DENND2A: variants seen among roughly 807,000 people sequenced by gnomAD.
The protein encoded by DENND2A is DENN domain-containing protein 2A.
DENND2A carries 53 observed loss-of-function variants against 105.3 expected under a neutral mutation model. The observed-to-expected ratio is 0.50, with a 90% confidence interval of 0.40 to 0.63. The LOEUF (loss-of-function observed/expected upper bound fraction) is 0.63. Among genes scored for constraint, DENND2A ranks in the 30% least tolerant of loss-of-function variants. DENND2A has a pLI of 0.00. For synonymous variants in DENND2A, 522 were observed against 508.4 expected (o/e 1.03, Z -0.36); for missense variants, 1,138 against 1,279.6 (o/e 0.89, Z 1.69).
intron 1 of DENND2A, among the ~76,000 whole-genome samples, chr7:140,610,587 GT>G (rs897815595): frequency 2.0e-5 from 3 of 152,022 alleles, no homozygotes; most frequent in Non-Finnish European, 4.4e-5. Context: ...TGAACACACT[GT>G]TTTTTGTTTT....
At chr7:140,632,117 G>A (rs1800754369) in intron 1 of DENND2A, among the ~76,000 whole-genome samples, 1 of 152,102 alleles carries the variant, frequency 6.6e-6, no homozygotes, top group South Asian at 2.1e-4. Flanking sequence ...ATCTGGGGAG[G>A]TTTAGCCTAT....
chr7:140,539,425 TG>T (rs1796569636), intron 14 of DENND2A, among the ~76,000 whole-genome samples: 1 of 152,138 alleles, frequency 6.6e-6, no homozygotes, highest in African/African-American at 2.4e-5. Flanking sequence ...GACTTCCCCA[TG>T]ACCTGTTAGC....
chr7:140,611,973 G>A (rs1016985954), intron 1 of DENND2A, among the ~76,000 whole-genome samples: 1 of 152,144 alleles, frequency 6.6e-6, no homozygotes, highest in East Asian at 1.9e-4. Flanking sequence ...GAGTGCGGTG[G>A]CTCACGTCTG....
intron 10 of DENND2A, among the ~76,000 whole-genome samples, chr7:140,558,876 C>T (rs916041773): frequency 6.9e-6 from 1 of 144,546 alleles, no homozygotes; most frequent in African/African-American, 2.6e-5. Context: ...GATCTCGGCT[C>T]ACCACAACCT....
intron 19 of DENND2A, among the ~76,000 whole-genome samples, chr7:140,519,343 C>G (rs1795770486): frequency 6.6e-6 from 1 of 152,216 alleles, no homozygotes; most frequent in Non-Finnish European, 1.5e-5. Flanking sequence ...CGCCATGCTC[C>G]CTCAGCTCAG....
chr7:140,584,391 AT>A (rs2130642237), intron 5 of DENND2A, among the ~76,000 whole-genome samples: 1 of 152,188 alleles, frequency 6.6e-6, no homozygotes, highest in East Asian at 1.9e-4. Flanking sequence ...AGCCCCAAAT[AT>A]TTACTCTATG....
At chr7:140,558,507 C>A (rs1162438833) in intron 10 of DENND2A, among the ~76,000 whole-genome samples, 2 of 152,022 alleles carry the variant, frequency 1.3e-5, no homozygotes, top group African/African-American at 4.8e-5. Flanking sequence ...ACCCGCCTGG[C>A]CAATAGGGTG....
At chr7:140,598,963 T>TTA (rs1047196564) in intron 3 of DENND2A, among the ~76,000 whole-genome samples, 116 of 152,206 alleles carry the variant, frequency 7.6e-4, no homozygotes, top group Middle Eastern at 3.4e-3. Flanking sequence ...TGACATGATG[T>TTA]TATATATAGG....
At chr7:140,545,061 C>T (rs934180789) in intron 13 of DENND2A, among the ~76,000 whole-genome samples, 2 of 152,070 alleles carry the variant, frequency 1.3e-5, no homozygotes, top group Non-Finnish European at 2.9e-5. Flanking sequence ...GTTTCCGGCC[C>T]CACATGGTTG....
rs112266103 is a variant in DENND2A at position 140,589,574 on chromosome 7, C to T, written c.996-1794G>A. Among the ~76,000 whole-genome samples the T allele has an allele frequency of 5.6e-4, 85 of 152,288 alleles. 3 individuals carry two copies. The highest frequency in any genetic ancestry group is 2.0e-3 in the African/African-American group (85 of 41,564). ...ACAGCACGACCCTGGCTGAGTTTGG[C>T]CTTTTCTTTGAGAGAGAGAAAGGGG... On this transcript the variant is annotated intron_variant, in intron 3 of 19. Transcript: ENST00000496613.
intron 1 of DENND2A, among the ~76,000 whole-genome samples, chr7:140,634,242 C>G (rs1175124084): frequency 6.6e-6 from 1 of 152,110 alleles, no homozygotes; most frequent in Non-Finnish European, 1.5e-5. Flanking sequence ...TCGTGATCCG[C>G]CTGCCTTGGC....
rs537615669 is a variant in DENND2A at position 140,547,312 on chromosome 7, A to G, written c.2038-373T>C. ...AGGAATGAAAAAACTTAGATATTACAGTGGTTTGTAGCCCTCTAAGAGGTC... is the reference window on the plus strand; with the variant it reads ...AGGAATGAAAAAACTTAGATATTACGGTGGTTTGTAGCCCTCTAAGAGGTC... On this transcript the variant is annotated intron_variant, in intron 12 of 19. Coordinates refer to ENST00000496613, the MANE Select transcript of DENND2A (RefSeq NM_015689.5). Among the ~76,000 whole-genome samples the G allele has an allele frequency of 7.0e-4, 107 of 152,214 alleles. 1 individual carries two copies. The highest frequency in any genetic ancestry group is 3.6e-3 in the Admixed American group (55 of 15,278).
At chr7:140,553,994 G>A (rs113251445) in intron 12 of DENND2A, among the ~76,000 whole-genome samples, 1 of 152,162 alleles carries the variant, frequency 6.6e-6, no homozygotes, top group African/African-American at 2.4e-5. Context: ...TAGGGAGGCC[G>A]AGGTGGGCGG....
intron 12 of DENND2A, among the ~76,000 whole-genome samples, chr7:140,553,826 T>C (rs1455436770): frequency 1.3e-5 from 2 of 152,132 alleles, no homozygotes; most frequent in Non-Finnish European, 2.9e-5. Flanking sequence ...GGTTATAGAT[T>C]AACAGCATCT....
At chr7:140,539,183 C>T (rs144031980) in intron 14 of DENND2A, among the ~76,000 whole-genome samples, 72 of 152,360 alleles carry the variant, frequency 4.7e-4, no homozygotes, top group Non-Finnish European at 8.5e-4. Context: ...GGTCCCCAAA[C>T]CCTTGTTTGT....
At position 140,519,673 on chromosome 7, in the gene DENND2A, C is replaced by A; in HGVS notation, c.2957G>T (p.Ser986Ile). 1.9e-6 allele frequency: 3 copies of A among 1,614,126 alleles called. No individual in the cohort carries two copies. Among genetic ancestry groups the A allele is most frequent in the Non-Finnish European group, 1.7e-6 (2 of 1,180,030 alleles). ...CTTATTGACACCGCTGTGCTCTCCA[C>A]TGGGGAGTGTTTCCAGATACTCTTG... Reference protein sequence around the residue: ...RAQEYLETLPSGEHSGVNKFL... With the variant: ...RAQEYLETLPIGEHSGVNKFL... The change falls in exon 19 of 20, where the codon AGT becomes ATT. Residue 986 changes from serine (S) to isoleucine (I), a missense_variant. Physicochemically the swap from Ser to Ile is moderately radical, Grantham distance 142. Coordinates refer to ENST00000496613, the MANE Select transcript of DENND2A (RefSeq NM_015689.5).
At position 140,567,240 on chromosome 7, in the gene DENND2A, C is replaced by T. The variant is rs201765157; in HGVS notation, c.1625G>A (p.Arg542Gln). 366 of 1,609,184 alleles carry T rather than the reference C, an allele frequency of 2.3e-4. No individual in the cohort carries two copies. Among genetic ancestry groups the T allele is most frequent in the Non-Finnish European group, 1.1e-4 (124 of 1,178,038 alleles). The change falls in exon 9 of 20, where the codon CGG (arginine) becomes CAG (glutamine). Residue 542 changes from arginine (R) to glutamine (Q), a missense_variant. Around this residue, in one of 2 missense-constraint regions of DENND2A, gnomAD observed 627 missense variants for 779.8 expected, o/e 0.80. Coordinates refer to ENST00000496613, the MANE Select transcript of DENND2A (RefSeq NM_015689.5). Reference protein sequence around the residue: ...HSQRLVNVKSRLKQAPRYPSL... With the variant: ...HSQRLVNVKSQLKQAPRYPSL... ...TGGGTACCGAGGCGCCTGCTTCAGC[C>T]GGGACTTCACGTTGACCAGGCGCTG...
chr7:140,600,102 A>G (rs1052493774), intron 3 of DENND2A, among the ~76,000 whole-genome samples: 1 of 152,146 alleles, frequency 6.6e-6, no homozygotes, highest in Non-Finnish European at 1.5e-5. Context: ...TTGTGGCCTA[A>G]GCAACTAAAC....
At position 140,558,168 on chromosome 7, in the gene DENND2A, C is replaced by T; in HGVS notation, c.1934G>A (p.Arg645Lys). The T allele has an allele frequency of 1.2e-6, 2 of 1,613,702 alleles. No individual in the cohort carries two copies. Among genetic ancestry groups the T allele is most frequent in the South Asian group, 1.1e-5 (1 of 91,076 alleles). Residue 645 changes from arginine to lysine, a missense_variant, in exon 11 of 20, where the codon AGG (arginine) becomes AAG (lysine). Around this residue, in one of 2 missense-constraint regions of DENND2A, gnomAD observed 627 missense variants for 779.8 expected, o/e 0.80. Transcript: ENST00000496613. ...FVLTGEDGSR[R>K]FGYCRRLLPG... ...CAGCAGTCTTCGGCAGTAACCGAAC[C>T]TTCTGCTCCCATCTTCTCCAGTTAA...
Sources: gnomAD v4.1 joint callset for allele counts (sites outside exome capture counted in the v4.1 genomes callset) on GRCh38, gnomAD v4.1.1 for gene constraint, gnomAD v4.1.1 regional missense constraint, MANE v1.5 for transcripts, NCBI Gene and HGNC (gene_info 2026-07-23, HGNC 2026-07-21) for gene names.